Variants in SAFB2 observed in about 807,000 individuals in gnomAD.
SAFB2 encodes the protein scaffold attachment factor B2.
SAFB2 carries 32 observed loss-of-function variants against 100.6 expected under a neutral mutation model. The observed-to-expected ratio is 0.32, with a 90% confidence interval of 0.24 to 0.43. SAFB2 has a LOEUF of 0.43. Ranked by LOEUF, SAFB2 falls within the 20% of genes least tolerant of loss-of-function variation. The pLI is 1.00. For missense variants in SAFB2, 1,185 were observed against 1,163.4 expected (o/e 1.02, Z -0.27); for synonymous variants, 500 against 439.4 (o/e 1.14, Z -1.72).
At position 5,600,248 on chromosome 19, in the gene SAFB2, C is replaced by T. The variant is rs1252690905; in HGVS notation, c.1572G>A (p.Lys524=). The T allele has an allele frequency of 6.2e-7, 1 of 1,612,584 alleles. No homozygotes were observed. ...CCTTCTTCTCAATCTTCTCTTCCTT[C>T]TTAATTACAGTTCTATTTAAAGACA... The part of the protein sequence containing the change: ...VEIKIEKTVI[K]KEEKIEKKEE... Residue 524 remains lysine (K), a synonymous_variant, in exon 12 of 21, where the codon AAG becomes AAA. Transcript: ENST00000252542.
At chr19:5,614,783 G>A (rs1363610678) in intron 4 of SAFB2, among the ~76,000 whole-genome samples, 1 of 152,220 alleles carries the variant, frequency 6.6e-6, no homozygotes, top group Non-Finnish European at 1.5e-5. Flanking sequence ...TGAAAAGCTG[G>A]GAAAGCCCTA....
intron 4 of SAFB2, chr19:5,613,870 C>G (rs1174084852): frequency 5.0e-6 from 2 of 401,606 alleles, no homozygotes. Context: ...TGATAAAATG[C>G]ACCCCTCCAA....
At position 5,600,574 on chromosome 19, in the gene SAFB2, T is replaced by A. The variant is rs141429818; in HGVS notation, c.1560-314A>T. ...AGGTGGACATGAGAAACACGCCAAC[T>A]ACATAAGAACACTTCTAAAAAGTTT... On this transcript the variant is annotated intron_variant, in intron 11 of 20. Coordinates refer to ENST00000252542, the MANE Select transcript of SAFB2 (RefSeq NM_014649.3). Among the ~76,000 whole-genome samples the A allele has an allele frequency of 1.4e-4, 22 of 152,296 alleles. No homozygotes were observed. The East Asian group carries it at 4.1e-3, about 28-fold the overall frequency.
intron 16 of SAFB2, 89 bp downstream of exon 16, chr19:5,592,658 G>T: frequency 6.8e-7 from 1 of 1,466,098 alleles, no homozygotes; most frequent in East Asian, 2.3e-5. Context: ...GAGCACACAG[G>T]AACCCCTGCA....
rs1273344398 is a variant in SAFB2, at chr19:5,621,372, G to C, written c.211C>G (p.Pro71Ala). 6.2e-7 allele frequency: 1 copy of C among 1,613,378 alleles called. No homozygotes were observed. Among genetic ancestry groups the C allele is most frequent in the East Asian group, 2.2e-5 (1 of 44,898 alleles). ...KKAVKEEGQDPDEIGIELEAT... is the reference protein window; with the variant it reads ...KKAVKEEGQDADEIGIELEAT... ...TCTAACTCGATGCCAATTTCATCAG[G>C]ATCTTGCCCCTCTTCTTTAACCGCC... The change falls in exon 2 of 21, where the codon CCT (proline) becomes GCT (alanine). Residue 71 changes from proline to alanine, a missense_variant. This residue lies in a region of SAFB2 where 351 missense variants were observed against 341.2 expected (regional missense o/e 1.03). Coordinates refer to ENST00000252542, the MANE Select transcript of SAFB2 (RefSeq NM_014649.3).
At chr19:5,593,582 G>C (rs971312893) in intron 15 of SAFB2, 2 of 325,084 alleles carry the variant, frequency 6.2e-6, no homozygotes, top group East Asian at 1.0e-4. Flanking sequence ...TCGCAAGACA[G>C]AGAACAGCTA....
Position 5,587,773 on chromosome 19 carries a change from AGAG to A in SAFB2, c.2639-9_2639-7del, listed in dbSNP as rs773581805. 9.0e-6 allele frequency: 14 copies of A among 1,553,024 alleles called. No individual in the cohort carries two copies. The highest frequency in any genetic ancestry group is 1.7e-4 in the Middle Eastern group (1 of 6,002). The stretch of plus-strand genomic sequence containing the variant: ...AGACAGGCCCCTCTCGCCACCTAGA[AGAG>A]AAGAAGGGTCTGCAAACACTCCGTT... On this transcript the variant is annotated splice_region_variant and splice_polypyrimidine_tract_variant and intron_variant, in intron 19 of 20. Transcript: ENST00000252542. This position sits in a 1 kb window ranked among gnomAD's most constrained non-coding sequence, Gnocchi z 4.9.
In SAFB2 at chr19:5,604,742, T is replaced by A. The variant is rs2145339254; in HGVS notation, c.1446+45A>T. On this transcript the variant is annotated intron_variant, in intron 10 of 20. Coordinates refer to ENST00000252542, the MANE Select transcript of SAFB2 (RefSeq NM_014649.3). ...TGATGTGTGGCCCAGAGCTTCTCAC[T>A]TGCAAACTCCATTTGCGAGTTACCA... 3.1e-6 allele frequency: 5 copies of A among 1,613,910 alleles called. No homozygotes were observed. In the East Asian group the frequency reaches 1.1e-4, roughly 36 times the overall value.
At chr19:5,610,957 C>T in intron 7 of SAFB2, 163 bp downstream of exon 7, 1 of 590,812 alleles carries the variant, frequency 1.7e-6, no homozygotes, top group Non-Finnish European at 3.0e-6. Context: ...GGAATTGAAT[C>T]ACCCATTAAA....
At position 5,622,622 on chromosome 19, in the gene SAFB2, C is replaced by G; in HGVS notation, c.94G>C (p.Glu32Gln). Residue 32 changes from glutamate to glutamine, a missense_variant, in exon 1 of 21, where the codon GAG (glutamate) becomes CAG (glutamine). Physicochemically the swap from Glu to Gln is conservative, Grantham distance 29. This residue lies in a region of SAFB2 where 351 missense variants were observed against 341.2 expected (regional missense o/e 1.03). Transcript: ENST00000252542. Reference sequence around the variant, plus strand: ...GCCCGCAGATCGATCACCCGCAGCTCGCTGAGCCGCCTCGTCCCAGTCTCC... The same window carrying G: ...GCCCGCAGATCGATCACCCGCAGCTGGCTGAGCCGCCTCGTCCCAGTCTCC... ...VAETGTRRLS[E>Q]LRVIDLRAEL... is the part of the protein sequence containing the mutation. 6 of 1,612,356 alleles carry G rather than the reference C, an allele frequency of 3.7e-6. No homozygotes were observed. Among genetic ancestry groups the G allele is most frequent in the Non-Finnish European group, 5.1e-6 (6 of 1,179,596 alleles).
Position 5,587,530 on chromosome 19 carries a change from G to T in SAFB2, c.2706-131C>A. 6.8e-7 allele frequency: 1 copy of T among 1,472,714 alleles called. No homozygotes were observed. The highest frequency in any genetic ancestry group is 1.4e-5 in the African/African-American group (1 of 70,748). The allele number at this position is 1,472,714 out of a possible 1,614,324, so 91.2% of individuals were successfully genotyped here. ...TTTCCAGGTGAGAAAAATCATCATC[G>T]CACATTGTATTCCAGGTAACTCAAG... On this transcript the variant is annotated intron_variant, in intron 20 of 20. Transcript: ENST00000252542. The surrounding 1 kb of genome is among the most constrained non-coding windows in gnomAD (Gnocchi z 4.9).
intron 16 of SAFB2, among the ~76,000 whole-genome samples, chr19:5,592,135 C>A (rs2052421695): frequency 6.6e-6 from 1 of 152,126 alleles, no homozygotes; most frequent in African/African-American, 2.4e-5. Flanking sequence ...AACTCCACCC[C>A]AAACTCCAGC....
chr19:5,593,795 C>T, intron 15 of SAFB2, 96 bp downstream of exon 15: 1 of 1,279,794 alleles, frequency 7.8e-7, no homozygotes. Flanking sequence ...ATTCTCCCCA[C>T]CGACAGGGAC....
chr19:5,611,970 A>G, intron 6 of SAFB2: 1 of 431,662 alleles, frequency 2.3e-6, no homozygotes, highest in Non-Finnish European at 4.3e-6. Context: ...ACCGAATGCA[A>G]TCACCATTCA....
At chr19:5,593,526 CAG>C (rs1321916233) in intron 15 of SAFB2, 3 of 222,400 alleles carry the variant, frequency 1.3e-5, no homozygotes, top group Non-Finnish European at 2.6e-5. Context: ...ATGAGACCGG[CAG>C]AGTCAGCGGT....
rs570458308 is a variant in SAFB2 at position 5,613,592 on chromosome 19, C to T, written c.544-65G>A. The T allele has an allele frequency of 2.0e-5, 32 of 1,578,080 alleles. 1 individual carries two copies. In the South Asian group the frequency reaches 2.5e-4, roughly 12 times the overall value. On this transcript the variant is annotated intron_variant, in intron 4 of 20. Coordinates refer to ENST00000252542, the MANE Select transcript of SAFB2 (RefSeq NM_014649.3). ...GCTATGAAAACCAAGGCTGACACCT[C>T]GCTTAGGCAACTTGTGTGTCTATTT...
Position 5,610,087 on chromosome 19 carries a change from C to T in SAFB2, c.1204G>A (p.Gly402Ser), listed in dbSNP as rs1194729525. 7 of 1,613,858 alleles carry T rather than the reference C, an allele frequency of 4.3e-6. No homozygotes were observed. The highest frequency in any genetic ancestry group is 2.2e-5 in the East Asian group (1 of 44,888). ...PIIKDEKGRV[G>S]SGSGRNLWVS... Reference sequence around the variant, plus strand: ...CACAGGTTCCGACCAGAACCGCTGCCGACCCGACCTGGCACGAGAGGGAGA... The same window carrying T: ...CACAGGTTCCGACCAGAACCGCTGCTGACCCGACCTGGCACGAGAGGGAGA... Residue 402 changes from glycine to serine, a missense_variant, in exon 9 of 21, where the codon GGC becomes AGC. Coordinates refer to ENST00000252542, the MANE Select transcript of SAFB2 (RefSeq NM_014649.3).
chr19:5,609,390 G>C (rs565528943), intron 9 of SAFB2, among the ~76,000 whole-genome samples: 44 of 145,310 alleles, frequency 3.0e-4, no homozygotes, highest in African/African-American at 1.1e-3. Context: ...TGCAACCTCT[G>C]CCTCCTGGGT....
intron 18 of SAFB2, among the ~76,000 whole-genome samples, chr19:5,589,372 C>T (rs59704629): frequency 0.089 from 13,513 of 152,100 alleles, 912 homozygotes; most frequent in African/African-American, 0.19. Flanking sequence ...CTGGGACACT[C>T]GGCACAGCAC....
Sources: allele counts gnomAD v4.1 joint callset (sites outside exome capture counted in the v4.1 genomes callset), GRCh38; gene constraint gnomAD v4.1.1; regional missense constraint gnomAD v4.1.1; non-coding constraint Gnocchi (gnomAD v3.1); transcripts MANE v1.5; gene names NCBI Gene and HGNC (gene_info 2026-07-23, HGNC 2026-07-21).